The following PPP2R3A variants were observed in gnomAD, a reference collection of about 807,000 sequenced individuals.
PPP2R3A encodes protein phosphatase 2 regulatory subunit B''alpha, also known as serine/threonine-protein phosphatase 2A regulatory subunit B'' subunit alpha.
In PPP2R3A, 80 loss-of-function variants were observed where a neutral mutation model predicts 106.9. The observed-to-expected ratio is 0.75, with a 90% CI of 0.62 to 0.90. PPP2R3A has a LOEUF of 0.90. Among genes scored for constraint, PPP2R3A ranks in the 40% least tolerant of loss-of-function variants. PPP2R3A has a pLI of 0.00. For missense variants in PPP2R3A, 1,386 were observed against 1,350.4 expected (o/e 1.03, Z -0.41); for synonymous variants, 483 against 468.3 (o/e 1.03, Z -0.41).
At chr3:136,071,398 T>G (rs970208711) in intron 6 of PPP2R3A, among the ~76,000 whole-genome samples, 3 of 152,274 alleles carry the variant, frequency 2.0e-5, no homozygotes, top group African/African-American at 4.8e-5. Flanking sequence ...GCTTTTGCAT[T>G]GGCTCTCTTA....
rs901500843 is a variant in PPP2R3A at position 136,145,164 on chromosome 3, T to C, written c.3451T>C (p.Ter1151GlnextTer13). 3.1e-6 allele frequency: 5 copies of C among 1,608,352 alleles called. No individual in the cohort carries two copies. The highest frequency in any genetic ancestry group is 8.5e-7 in the Non-Finnish European group (1 of 1,178,398). ...CGKLQSVDEE[*>Q] ...AAAGCTTCAATCAGTGGATGAAGAA[T>C]AGCTGCCGGTGTCTACAATGAAACG... The change falls in exon 14 of 14, where the codon TAG becomes CAG. Residue 1151 changes from the stop codon to glutamine, a stop_lost. Transcript: ENST00000264977.
intron 11 of PPP2R3A, 145 bp from the exon 12 acceptor site, chr3:136,103,113 A>G: frequency 1.9e-6 from 1 of 515,976 alleles, no homozygotes; most frequent in Non-Finnish European, 3.4e-6. Context: ...CCTTGAAAAA[A>G]GAAATGAGAT....
intron 1 of PPP2R3A, among the ~76,000 whole-genome samples, chr3:135,992,544 C>T (rs1933218342): frequency 1.3e-5 from 2 of 152,118 alleles, no homozygotes; most frequent in East Asian, 1.9e-4. Context: ...TGTGTAACAC[C>T]GTTCTATAAT....
intron 2 of PPP2R3A, among the ~76,000 whole-genome samples, chr3:136,009,766 A>G (rs1933980869): frequency 6.6e-6 from 1 of 152,176 alleles, no homozygotes; most frequent in African/African-American, 2.4e-5. Context: ...CACTGCCATA[A>G]TTCGTCACTA....
At chr3:136,139,113 T>G (rs1443181507) in intron 13 of PPP2R3A, among the ~76,000 whole-genome samples, 1 of 152,142 alleles carries the variant, frequency 6.6e-6, no homozygotes, top group Non-Finnish European at 1.5e-5. Flanking sequence ...TCCCTGTAAA[T>G]AGTCAGAATC....
chr3:136,081,923 T>C (rs1936792629), intron 7 of PPP2R3A, among the ~76,000 whole-genome samples: 1 of 152,228 alleles, frequency 6.6e-6, no homozygotes. Flanking sequence ...AAACAGTATT[T>C]GTTTCTGGCC....
chr3:135,993,001 A>G (rs187333090), intron 1 of PPP2R3A, among the ~76,000 whole-genome samples: 1 of 152,310 alleles, frequency 6.6e-6, no homozygotes, highest in Admixed American at 6.5e-5. Flanking sequence ...CTATAAAGCC[A>G]TTGAAAATCC....
intron 7 of PPP2R3A, 145 bp downstream of exon 7, chr3:136,078,598 TGCTG>T: frequency 1.6e-6 from 1 of 628,112 alleles, no homozygotes; most frequent in Non-Finnish European, 2.8e-6. Flanking sequence ...TGTCGTGGGA[TGCTG>T]GAATGTTTTG....
intron 7 of PPP2R3A, among the ~76,000 whole-genome samples, chr3:136,080,989 TC>T (rs2107928159): frequency 6.6e-6 from 1 of 152,084 alleles, no homozygotes; most frequent in Admixed American, 6.5e-5. Flanking sequence ...CTCATGTGTT[TC>T]TTTTTTCTTT....
chr3:136,082,330 T>C lies in PPP2R3A; in HGVS notation c.2697T>C (p.His899=). The C allele has an allele frequency of 6.2e-7, 1 of 1,606,884 alleles. No individual in the cohort carries two copies. Among genetic ancestry groups the C allele is most frequent in the South Asian group, 1.1e-5 (1 of 90,916 alleles). The change falls in exon 8 of 14, where the codon CAT becomes CAC. Residue 899 remains histidine, a synonymous_variant. Transcript: ENST00000264977. ...NQITDYFSYE[H]FYVIYCKFWE... is the part of the protein sequence containing the mutation. ...TTACAGATTACTTCTCCTATGAACA[T>C]TTCTATGTTATTTATTGTAAATTCT...
intron 13 of PPP2R3A, among the ~76,000 whole-genome samples, chr3:136,108,625 A>G (rs1015107156): frequency 6.6e-6 from 1 of 152,138 alleles, no homozygotes; most frequent in African/African-American, 2.4e-5. Flanking sequence ...AATACTGATA[A>G]TGAATAGTGA....
At chr3:136,004,823 TG>T (rs1483588158) in intron 2 of PPP2R3A, among the ~76,000 whole-genome samples, 3 of 152,314 alleles carry the variant, frequency 2.0e-5, no homozygotes, top group Admixed American at 2.0e-4. Flanking sequence ...GTAGTAGATC[TG>T]TAAGTATTTT....
rs72983458 is a variant in PPP2R3A, at chr3:136,051,124, C to T, written c.2469+1763C>T. Among the ~76,000 whole-genome samples, 1,105 of 152,236 alleles carry T rather than the reference C, an allele frequency of 7.3e-3. 11 individuals are homozygous for T. The highest frequency in any genetic ancestry group is 0.026 in the African/African-American group (1,081 of 41,534). On this transcript the variant is annotated intron_variant, in intron 5 of 13. Transcript: ENST00000264977. The stretch of plus-strand genomic sequence containing the variant: ...TATTGCTTGTTAATATTCTTGTTTT[C>T]GTATCTAAATATTTGGTTTTTCTAA...
chr3:136,039,964 G>T (rs1462718858), intron 3 of PPP2R3A, among the ~76,000 whole-genome samples: 1 of 151,838 alleles, frequency 6.6e-6, no homozygotes, highest in Non-Finnish European at 1.5e-5. Flanking sequence ...ATCATTTGTG[G>T]TAGCCTCTAA....
At chr3:136,123,532 A>G (rs1380758805) in intron 13 of PPP2R3A, among the ~76,000 whole-genome samples, 2 of 152,220 alleles carry the variant, frequency 1.3e-5, no homozygotes, top group East Asian at 3.8e-4. Flanking sequence ...ATCACAATCA[A>G]AGGGCAAACT....
At chr3:136,102,957 A>G (rs763385477) in intron 11 of PPP2R3A, among the ~76,000 whole-genome samples, 4 of 152,166 alleles carry the variant, frequency 2.6e-5, no homozygotes, top group Non-Finnish European at 5.9e-5. Context: ...TGATGATATT[A>G]TTACAGAACT....
chr3:136,116,997 TC>T (rs1488033067), intron 13 of PPP2R3A, among the ~76,000 whole-genome samples: 3 of 152,140 alleles, frequency 2.0e-5, no homozygotes, highest in Non-Finnish European at 4.4e-5. Flanking sequence ...AGTAAAGCAC[TC>T]CTCAGCAAAT....
At chr3:136,124,433 C>T (rs938295663) in intron 13 of PPP2R3A, among the ~76,000 whole-genome samples, 1 of 150,796 alleles carries the variant, frequency 6.6e-6, no homozygotes, top group Non-Finnish European at 1.5e-5. Context: ...CAGTGAGCTA[C>T]GATCCACACC....
chr3:136,023,309 C>T (rs868077608), intron 2 of PPP2R3A: 1 of 904,470 alleles, frequency 1.1e-6, no homozygotes, highest in Non-Finnish European at 1.7e-6. Context: ...TTTTACAGCT[C>T]CCTTGTATCT....
Sources: gnomAD v4.1 joint callset for allele counts (sites outside exome capture counted in the v4.1 genomes callset) on GRCh38, gnomAD v4.1.1 for gene constraint, MANE v1.5 for transcripts, NCBI Gene and HGNC (gene_info 2026-07-23, HGNC 2026-07-21) for gene names.